CNBD1: variants seen among roughly 807,000 people sequenced by gnomAD.
The protein encoded by CNBD1 is cyclic nucleotide binding domain containing 1.
CNBD1 carries 71 observed loss-of-function variants against 54.4 expected under a neutral mutation model. The observed-to-expected ratio is 1.30, with a 90% CI of 1.08 to 1.59. CNBD1 has a LOEUF of 1.59. CNBD1 is among the 40% of genes most tolerant of loss of function. The pLI is 0.00. For missense variants in CNBD1, 659 were observed against 518.0 expected, an observed-to-expected ratio of 1.27 and a Z score of -2.64; for synonymous variants, 182 against 170.7, an observed-to-expected ratio of 1.07 and a Z score of -0.51.
rs111430229 is a variant in CNBD1 at position 87,169,479 on chromosome 8, G to A, written c.432-36514G>A. On this transcript the variant is annotated intron_variant, in intron 4 of 10. Transcript: ENST00000518476. Reference sequence around the variant, plus strand: ...GTGGGGTATTACTCAAGAAATCTTCGCCCACCCTAACCTCCTCGAGATTTT... The same window carrying A: ...GTGGGGTATTACTCAAGAAATCTTCACCCACCCTAACCTCCTCGAGATTTT... Among the ~76,000 whole-genome samples, 481 of 151,908 alleles carry A rather than the reference G, an allele frequency of 3.2e-3. 4 individuals are homozygous for A. The highest frequency in any genetic ancestry group is 0.011 in the African/African-American group (443 of 41,444).
intron 4 of CNBD1, among the ~76,000 whole-genome samples, chr8:87,006,145 C>T (rs1809093171): frequency 6.6e-6 from 1 of 152,148 alleles, no homozygotes; most frequent in African/African-American, 2.4e-5. Flanking sequence ...GAGCAAGCAT[C>T]TCTTTTCCCT....
chr8:87,059,773 G>T (rs1252307812), intron 4 of CNBD1, among the ~76,000 whole-genome samples: 1 of 152,194 alleles, frequency 6.6e-6, no homozygotes, highest in Non-Finnish European at 1.5e-5. Context: ...ATTTTGGCGT[G>T]GGCACAGCCA....
chr8:87,120,176 T>C (rs1412154341), intron 4 of CNBD1, among the ~76,000 whole-genome samples: 1 of 152,108 alleles, frequency 6.6e-6, no homozygotes, highest in African/African-American at 2.4e-5. Context: ...GTATATTTGT[T>C]AGAATTTGTC....
intron 5 of CNBD1, among the ~76,000 whole-genome samples, chr8:87,226,511 T>A (rs1035487261): frequency 6.8e-5 from 10 of 146,996 alleles, no homozygotes; most frequent in African/African-American, 2.4e-4. Context: ...CAGTAGTCAT[T>A]CAGGAGCAGG....
intron 4 of CNBD1, among the ~76,000 whole-genome samples, chr8:87,069,962 G>T (rs1201235268): frequency 1.3e-5 from 2 of 151,952 alleles, no homozygotes; most frequent in Non-Finnish European, 2.9e-5. Context: ...ATTCCCATGT[G>T]GTTCTGTTCA....
In CNBD1 at chr8:86,887,098, G is replaced by T. The variant is rs1054530615; in HGVS notation, c.89-444G>T. 3.9e-5 allele frequency among the ~76,000 whole-genome samples: 6 copies of T among 152,288 alleles called. No homozygotes were observed. The East Asian group carries it at 1.2e-3, about 29-fold the overall frequency. ...GGGGGAACAAAAGATGGGGACCTGC[G>T]TAGGATTGAATAGGCCGACATAAGT... On this transcript the variant is annotated intron_variant, in intron 1 of 10. Transcript: ENST00000518476.
At chr8:87,181,046 C>T (rs1370450165) in intron 4 of CNBD1, among the ~76,000 whole-genome samples, 1 of 152,082 alleles carries the variant, frequency 6.6e-6, no homozygotes, top group Admixed American at 6.6e-5. Flanking sequence ...ACTTTCTTCC[C>T]CCAGAAACGT....
chr8:86,900,396 C>A (rs770464421), intron 2 of CNBD1, among the ~76,000 whole-genome samples: 3 of 152,130 alleles, frequency 2.0e-5, no homozygotes, highest in Non-Finnish European at 2.9e-5. Flanking sequence ...TCGCATTTAA[C>A]ATGACAGGCA....
intron 2 of CNBD1, among the ~76,000 whole-genome samples, chr8:87,416,551 T>A (rs1004633653): frequency 6.6e-6 from 1 of 151,938 alleles, no homozygotes; most frequent in Non-Finnish European, 1.5e-5. Context: ...CAGAACAGGG[T>A]TGGAGACCCT....
chr8:87,422,488 A>T (rs1345207114), intron 2 of CNBD1, among the ~76,000 whole-genome samples: 2 of 151,710 alleles, frequency 1.3e-5, no homozygotes, highest in African/African-American at 4.9e-5. Context: ...AGCTTTCTAC[A>T]TATGGCTAGC....
intron 4 of CNBD1, among the ~76,000 whole-genome samples, chr8:87,170,986 A>T (rs917473926): frequency 7.2e-5 from 11 of 151,858 alleles, no homozygotes; most frequent in Admixed American, 7.2e-4. Context: ...TGTGTATGTG[A>T]TGTGTCTTTG....
chr8:87,408,133 C>T (rs1807680955), intron 2 of CNBD1, among the ~76,000 whole-genome samples: 1 of 151,924 alleles, frequency 6.6e-6, no homozygotes, highest in Non-Finnish European at 1.5e-5. Context: ...CATAATCTGC[C>T]TTAACATTAT....
chr8:86,986,700 G>A lies in CNBD1; in HGVS notation c.431+46946G>A, dbSNP rs1011254743. Reference sequence around the variant, plus strand: ...GAGTTTATTTTTGTATATGATGATTGGTAGGGGTCCAACTTTGTTCTTCTG... The same window carrying A: ...GAGTTTATTTTTGTATATGATGATTAGTAGGGGTCCAACTTTGTTCTTCTG... On this transcript the variant is annotated intron_variant, in intron 4 of 10. Coordinates refer to ENST00000518476, the MANE Select transcript of CNBD1 (RefSeq NM_173538.3). Among the ~76,000 whole-genome samples, 5 of 152,150 alleles carry A rather than the reference G, an allele frequency of 3.3e-5. No homozygotes were observed. In the East Asian group the frequency reaches 9.6e-4, roughly 29 times the overall value.
At chr8:87,187,236 TATAA>T (rs1813499405) in intron 4 of CNBD1, among the ~76,000 whole-genome samples, 1 of 151,958 alleles carries the variant, frequency 6.6e-6, no homozygotes, top group African/African-American at 2.4e-5. Context: ...AACATAGCTA[TATAA>T]ATATTTAAAT....
At chr8:86,977,742 A>G (rs1385090509) in intron 4 of CNBD1, among the ~76,000 whole-genome samples, 1 of 152,174 alleles carries the variant, frequency 6.6e-6, no homozygotes, top group Non-Finnish European at 1.5e-5. Context: ...TGAAACAGGA[A>G]TAAAAGGTCT....
At chr8:86,948,458 G>T (rs914830233) in intron 4 of CNBD1, among the ~76,000 whole-genome samples, 2 of 152,082 alleles carry the variant, frequency 1.3e-5, no homozygotes, top group African/African-American at 4.8e-5. Flanking sequence ...ATTTAAACTA[G>T]AGTGAGATGA....
chr8:87,339,065 G>T (rs1202524539), intron 8 of CNBD1, among the ~76,000 whole-genome samples: 1 of 152,080 alleles, frequency 6.6e-6, no homozygotes, highest in East Asian at 1.9e-4. Context: ...TAGAGTTAGA[G>T]TTGAATATTT....
chr8:87,346,617 A>G (rs1295835012), intron 8 of CNBD1, among the ~76,000 whole-genome samples: 1 of 151,656 alleles, frequency 6.6e-6, no homozygotes, highest in African/African-American at 2.4e-5. Context: ...GTGTCTGCAT[A>G]TATATATATG....
At chr8:87,423,375 C>T (rs1300897539) in intron 2 of CNBD1, among the ~76,000 whole-genome samples, 2 of 150,174 alleles carry the variant, frequency 1.3e-5, no homozygotes, top group Non-Finnish European at 1.5e-5. Flanking sequence ...GAAATGCTTC[C>T]AGTTTTTGCC....
Sources: allele counts gnomAD v4.1 joint callset (sites outside exome capture counted in the v4.1 genomes callset), GRCh38; gene constraint gnomAD v4.1.1; transcripts MANE v1.5; gene names NCBI Gene and HGNC (gene_info 2026-07-23, HGNC 2026-07-21).